The following C5orf63 variants were observed in gnomAD, a reference collection of about 807,000 sequenced individuals.
The protein encoded by C5orf63 is glutaredoxin-like protein C5orf63.
C5orf63 carries 18 observed loss-of-function variants against 13.3 expected under a neutral mutation model. The observed-to-expected ratio is 1.36, with a 90% CI of 0.94 to 2.01. The LOEUF (loss-of-function observed/expected upper bound fraction) is 2.01, where lower values mean the gene tolerates loss of function less well. C5orf63 is among the 30% of genes most tolerant of loss of function. The pLI is 0.00. For missense variants in C5orf63, 118 were observed against 127.7 expected, an observed-to-expected ratio of 0.92 and a Z score of 0.36; for synonymous variants, 38 against 44.7, an observed-to-expected ratio of 0.85 and a Z score of 0.60.
chr5:127,058,873 ACTTTGTAC>A lies in C5orf63; in HGVS notation c.114+1_114+8del, dbSNP rs780154735. 1 of 1,509,414 alleles carries A rather than the reference ACTTTGTAC, an allele frequency of 6.6e-7. No homozygotes were observed. The highest frequency in any genetic ancestry group is 1.2e-5 in the South Asian group (1 of 82,582). The allele number at this position is 1,509,414 out of a possible 1,614,324, so 93.5% of individuals were successfully genotyped here. A position where few individuals can be genotyped will look rare whatever the true frequency, so the allele number is the denominator to read the frequency against. ...CTTCACCCAACAATTTTACTTTTTC[ACTTTGTAC>A]CTTTGTGAATAAGGTCAACACAGGC... On this transcript the variant is annotated splice_donor_variant and splice_donor_5th_base_variant and intron_variant, in intron 3 of 4. Transcript: ENST00000296662. LOFTEE classifies it high-confidence loss of function.
chr5:127,063,354 G>A (rs1198344481), intron 2 of C5orf63, among the ~76,000 whole-genome samples: 4 of 152,192 alleles, frequency 2.6e-5, no homozygotes, highest in East Asian at 1.9e-4. Context: ...AGCCAGGGTC[G>A]TTTGAGTCTT....
At chr5:127,070,402 T>C (rs1754492395) in intron 2 of C5orf63, among the ~76,000 whole-genome samples, 1 of 152,196 alleles carries the variant, frequency 6.6e-6, no homozygotes, top group South Asian at 2.1e-4. Context: ...ACTGGAACAA[T>C]GAGAGGAAAT....
intron 2 of C5orf63, among the ~76,000 whole-genome samples, chr5:127,066,422 G>C (rs1754338920): frequency 6.6e-6 from 1 of 152,118 alleles, no homozygotes; most frequent in Non-Finnish European, 1.5e-5. Context: ...GATGAGACGG[G>C]ATGGTATGGA....
downstream of C5orf63, among the ~76,000 whole-genome samples, chr5:127,049,879 T>C (rs1459882506): frequency 1.3e-5 from 2 of 152,194 alleles, no homozygotes; most frequent in Non-Finnish European, 1.5e-5. Flanking sequence ...AGCTTACTGA[T>C]TATTGGCAGA....
intron 1 of C5orf63, chr5:127,072,015 A>C (rs1754563495): frequency 6.6e-6 from 1 of 152,240 alleles, no homozygotes; most frequent in Non-Finnish European, 1.5e-5. Flanking sequence ...AGTCCATCTA[A>C]ATAAAACCAC....
chr5:127,051,332 G>A lies in C5orf63; in HGVS notation c.*439C>T, dbSNP rs1199251662. On this transcript the variant is annotated 3_prime_UTR_variant, in exon 5 of 5. Transcript: ENST00000296662. ...TCCTTAAAACATCGCTTTATTGACC[G>A]TGCACAGTTATTAACAATTCACATT... 3.2e-5 allele frequency: 39 copies of A among 1,230,600 alleles called. No individual in the cohort carries two copies. Among genetic ancestry groups the A allele is most frequent in the African/African-American group, 4.7e-5 (3 of 64,328 alleles). 76.2% of individuals were successfully genotyped at this position (1,230,600 alleles called of 1,614,324 possible). A position where few individuals can be genotyped will look rare whatever the true frequency, so the allele number is the denominator to read the frequency against.
At chr5:127,054,341 CA>C (rs1392417943) in intron 3 of C5orf63, among the ~76,000 whole-genome samples, 9 of 152,160 alleles carry the variant, frequency 5.9e-5, no homozygotes, top group African/African-American at 1.9e-4. Context: ...AACTAGTTTG[CA>C]GTCCCACCAA....
At chr5:127,072,975 T>G (rs902143330) in intron 1 of C5orf63, 1 of 152,226 alleles carries the variant, frequency 6.6e-6, no homozygotes, top group East Asian at 1.9e-4. Flanking sequence ...ACTCACAATG[T>G]TCCCTGCTGC....
intron 3 of C5orf63, 89 bp from the exon 4 acceptor site, chr5:127,052,758 G>A (rs2126882645): frequency 2.2e-6 from 2 of 914,738 alleles, no homozygotes; most frequent in African/African-American, 3.4e-5. Context: ...ACCCATAAGA[G>A]GCAGATTATA....
chr5:127,054,203 T>C (rs1307707500), intron 3 of C5orf63, among the ~76,000 whole-genome samples: 1 of 152,174 alleles, frequency 6.6e-6, no homozygotes, highest in African/African-American at 2.4e-5. Flanking sequence ...CACAGAAGTC[T>C]ATGCAAATTA....
chr5:127,048,790 CA>C (rs1753585589), downstream of C5orf63, among the ~76,000 whole-genome samples: 1 of 152,120 alleles, frequency 6.6e-6, no homozygotes, highest in African/African-American at 2.4e-5. Flanking sequence ...AGAAGTGCTC[CA>C]AGAGAACAAA....
At chr5:127,048,883 G>T (rs1315164289), downstream of C5orf63, among the ~76,000 whole-genome samples, 2 of 152,202 alleles carry the variant, frequency 1.3e-5, no homozygotes, top group African/African-American at 4.8e-5. Context: ...GACACTGAAA[G>T]AAACTCTTGG....
chr5:127,058,089 G>A (rs1039448104), intron 3 of C5orf63, among the ~76,000 whole-genome samples: 9 of 152,056 alleles, frequency 5.9e-5, no homozygotes, highest in Non-Finnish European at 1.0e-4. Flanking sequence ...TACATGTGCA[G>A]CTTTGTCACA....
At chr5:127,056,856 T>C (rs1301579993) in intron 3 of C5orf63, among the ~76,000 whole-genome samples, 3 of 152,258 alleles carry the variant, frequency 2.0e-5, no homozygotes, top group Admixed American at 6.5e-5. Flanking sequence ...TCTGATACTG[T>C]ACTTTTAAGC....
At chr5:127,069,579 G>T (rs1382434609) in intron 2 of C5orf63, among the ~76,000 whole-genome samples, 2 of 152,162 alleles carry the variant, frequency 1.3e-5, no homozygotes, top group Non-Finnish European at 2.9e-5. Context: ...TTCATTGCTT[G>T]CCATTTTGTA....
At chr5:127,045,747 C>G (rs1443360911) in exon 5 of C5orf63, 1 of 152,162 alleles carries the variant, frequency 6.6e-6, no homozygotes, top group Non-Finnish European at 1.5e-5. Flanking sequence ...AAAGCTCCTC[C>G]CTGACTTTCA....
chr5:127,069,087 A>T (rs1754437052), intron 2 of C5orf63, among the ~76,000 whole-genome samples: 1 of 152,196 alleles, frequency 6.6e-6, no homozygotes, highest in Admixed American at 6.5e-5. Flanking sequence ...CTGTTCCTGA[A>T]AGCCAAGAAA....
Position 127,051,527 on chromosome 5 carries a change from C to T in C5orf63, c.*244G>A. On this transcript the variant is annotated 3_prime_UTR_variant, in exon 5 of 5. Coordinates refer to ENST00000296662, the MANE Select transcript of C5orf63 (RefSeq NM_001164478.2). ...ATAAATAAGACAAATGGACTTCTCC[C>T]TCCCTCCATCATCTCCCTCCCTGCT... The T allele has an allele frequency of 8.1e-7, 1 of 1,237,864 alleles. No homozygotes were observed. Among genetic ancestry groups the T allele is most frequent in the African/African-American group, 1.5e-5 (1 of 64,682 alleles). The allele number at this position is 1,237,864 out of a possible 1,614,324, so 76.7% of individuals were successfully genotyped here.
downstream of C5orf63, chr5:127,046,697 A>T (rs1197286824): frequency 6.6e-6 from 1 of 152,266 alleles, no homozygotes; most frequent in Non-Finnish European, 1.5e-5. Flanking sequence ...TGGTCAGCCA[A>T]CTTAGGTCAT....
Sources: allele counts gnomAD v4.1 joint callset (sites outside exome capture counted in the v4.1 genomes callset), GRCh38; gene constraint gnomAD v4.1.1; transcripts MANE v1.5; gene names NCBI Gene and HGNC (gene_info 2026-07-23, HGNC 2026-07-21).